BSN: variants seen among roughly 807,000 people sequenced by gnomAD.
BSN encodes the protein protein bassoon.
BSN carries 57 observed loss-of-function variants against 264.8 expected under a neutral mutation model. The observed-to-expected ratio is 0.22, with a 90% confidence interval of 0.17 to 0.27. The LOEUF is 0.27. Among genes scored for constraint, BSN ranks in the 10% least tolerant of loss-of-function variants. BSN has a pLI of 1.00. For synonymous variants in BSN, 2,059 were observed against 2,137.3 expected (o/e 0.96, Z 1.01); for missense variants, 4,615 against 5,232.5 (o/e 0.88, Z 3.64).
chr3:49,615,105 A>T (rs1366525456), intron 1 of BSN, among the ~76,000 whole-genome samples: 1 of 152,174 alleles, frequency 6.6e-6, no homozygotes, highest in Non-Finnish European at 1.5e-5. Flanking sequence ...TCTCAGCAAC[A>T]TCAGAGCAGT....
chr3:49,571,772 C>T (rs2051797844), intron 1 of BSN, among the ~76,000 whole-genome samples: 1 of 152,094 alleles, frequency 6.6e-6, no homozygotes, highest in Non-Finnish European at 1.5e-5. Flanking sequence ...AGGAGTAAGA[C>T]CCACACCATG....
intron 1 of BSN, among the ~76,000 whole-genome samples, chr3:49,587,886 G>GTTTTTCTTTTCTTTTCTTTTCTTTTC (rs2051947705): frequency 2.7e-5 from 1 of 36,838 alleles, no homozygotes; most frequent in Non-Finnish European, 7.9e-5. Flanking sequence ...GAAAGTTGGG[G>GTTTTTCTTTTCTTTTCTTTTCTTTTC]TTTTTCTTTT....
rs143426028 is a variant in BSN at position 49,652,697 on chromosome 3, G to A, written c.3141G>A (p.Arg1047=). 1.7e-5 allele frequency: 27 copies of A among 1,574,748 alleles called. No homozygotes were observed. In the African/African-American group the frequency reaches 3.1e-4, roughly 18 times the overall value. The change falls in exon 5 of 12, where the codon CGG becomes CGA. Residue 1047 remains arginine (R), a synonymous_variant. Transcript: ENST00000296452. ...ACTCCTCAGAGGAGGAGGAGCTGCGGGAGGAAGAGGAGCTGCTTCGTGAGC... is the reference window on the plus strand; with the variant it reads ...ACTCCTCAGAGGAGGAGGAGCTGCGAGAGGAAGAGGAGCTGCTTCGTGAGC... ...IEDSSEEEEL[R]EEEELLREQE...
At chr3:49,629,528 C>T (rs2052369082) in intron 2 of BSN, among the ~76,000 whole-genome samples, 1 of 152,246 alleles carries the variant, frequency 6.6e-6, no homozygotes, top group Admixed American at 6.5e-5. Flanking sequence ...TTCTCAGGGA[C>T]TTCCATGCCC....
intron 1 of BSN, among the ~76,000 whole-genome samples, chr3:49,600,647 A>G (rs925197969): frequency 9.6e-5 from 13 of 135,876 alleles, no homozygotes; most frequent in Admixed American, 7.1e-5. Flanking sequence ...AAATAAAAAT[A>G]AAAAAAATTA....
At chr3:49,664,093 C>T (rs2052690692) in intron 8 of BSN, among the ~76,000 whole-genome samples, 2 of 152,188 alleles carry the variant, frequency 1.3e-5, no homozygotes, top group Admixed American at 1.3e-4. Context: ...GCTTTAGGGC[C>T]CAAGCAGCTT....
chr3:49,613,304 G>A (rs189404050), intron 1 of BSN, among the ~76,000 whole-genome samples: 49 of 24,958 alleles, frequency 2.0e-3, no homozygotes, highest in Non-Finnish European at 3.3e-3. Flanking sequence ...CACACAGAGC[G>A]AGAGAGAGAG....
intron 1 of BSN, among the ~76,000 whole-genome samples, chr3:49,613,345 A>G (rs974067546): frequency 4.0e-5 from 6 of 149,798 alleles, no homozygotes; most frequent in Admixed American, 1.3e-4. Flanking sequence ...AGAGAGAGAG[A>G]GAGAAGGGCT....
intron 1 of BSN, among the ~76,000 whole-genome samples, chr3:49,558,493 C>T (rs956541232): frequency 1.3e-5 from 2 of 152,212 alleles, no homozygotes; most frequent in African/African-American, 4.8e-5. Context: ...AACCATACCC[C>T]GAATTCCTTT....
In BSN at chr3:49,652,454, C is replaced by T. The variant is rs1205468472; in HGVS notation, c.2898C>T (p.Ser966=). 6.2e-7 allele frequency: 1 copy of T among 1,613,602 alleles called. No homozygotes were observed. The highest frequency in any genetic ancestry group is 1.3e-5 in the African/African-American group (1 of 75,064). ...LDREPELEME[S]LTGSPEDRSR... is the part of the protein sequence containing the mutation. ...GGGAGCCTGAGCTGGAGATGGAGAGCCTAACGGGCTCCCCTGAGGACCGCT... is the reference window on the plus strand; with the variant it reads ...GGGAGCCTGAGCTGGAGATGGAGAGTCTAACGGGCTCCCCTGAGGACCGCT... Residue 966 remains serine (S), a synonymous_variant, in exon 5 of 12, where the codon AGC becomes AGT. Coordinates refer to ENST00000296452, the MANE Select transcript of BSN (RefSeq NM_003458.4).
chr3:49,621,049 T>C (rs1235047347), intron 1 of BSN, among the ~76,000 whole-genome samples: 1 of 152,002 alleles, frequency 6.6e-6, no homozygotes, highest in Non-Finnish European at 1.5e-5. Context: ...CAAGATATAC[T>C]GCTGGATTGA....
chr3:49,642,921 G>A lies in BSN; in HGVS notation c.1287G>A (p.Leu429=). ...RMGPGSGPGA[L]PKTGGTTSPK... ...GTCCTGGATCTGGACCTGGAGCCCT[G>A]CCGAAAACTGGGGGAACAACCAGTC... The change falls in exon 3 of 12, where the codon CTG becomes CTA. Residue 429 remains leucine, a synonymous_variant. Coordinates refer to ENST00000296452, the MANE Select transcript of BSN (RefSeq NM_003458.4). This position sits in a 1 kb window ranked among gnomAD's most constrained non-coding sequence, Gnocchi z 7.0. The A allele has an allele frequency of 1.9e-6, 3 of 1,614,060 alleles. No homozygotes were observed. The highest frequency in any genetic ancestry group is 8.5e-7 in the Non-Finnish European group (1 of 1,180,034).
At chr3:49,647,567 G>A (rs1456766917) in intron 3 of BSN, among the ~76,000 whole-genome samples, 2 of 152,208 alleles carry the variant, frequency 1.3e-5, no homozygotes, top group East Asian at 3.8e-4. Context: ...GTGAGGCAGA[G>A]TACGAGAGGG....
At chr3:49,673,087 CTTTTTTTT>C (rs71080543), downstream of BSN, among the ~76,000 whole-genome samples, 827 of 43,222 alleles carry the variant, frequency 0.019, 94 homozygotes, top group Admixed American at 0.23. Flanking sequence ...CCGGCCGGGA[CTTTTTTTT>C]TTTTTTTTTT....
intron 2 of BSN, among the ~76,000 whole-genome samples, chr3:49,633,731 C>T (rs1307515346): frequency 6.6e-6 from 1 of 152,158 alleles, no homozygotes; most frequent in South Asian, 2.1e-4. Flanking sequence ...TACATACATA[C>T]ACACAACGAA....
At chr3:49,561,224 G>A (rs1431173109) in intron 1 of BSN, among the ~76,000 whole-genome samples, 1 of 152,332 alleles carries the variant, frequency 6.6e-6, no homozygotes, top group East Asian at 1.9e-4. Flanking sequence ...AGGGCCAACG[G>A]TGAAGAAGAG....
Position 49,660,036 on chromosome 3 carries a change from C to T in BSN, c.8641-450C>T, listed in dbSNP as rs1053523750. 4.6e-5 allele frequency among the ~76,000 whole-genome samples: 7 copies of T among 152,152 alleles called. No homozygotes were observed. The highest frequency in any genetic ancestry group is 1.7e-4 in the African/African-American group (7 of 41,408). ...TCTAGGGAGCCTGGCGGGCCCAGGA[C>T]CCTCTCCACTCCATGCCTCCTGTTC... is the stretch of plus-strand genomic sequence containing the variant. On this transcript the variant is annotated intron_variant, in intron 5 of 11. Coordinates refer to ENST00000296452, the MANE Select transcript of BSN (RefSeq NM_003458.4). This position sits in a 1 kb window ranked among gnomAD's most constrained non-coding sequence, Gnocchi z 7.1.
At chr3:49,598,490 T>C (rs2108030413) in intron 1 of BSN, among the ~76,000 whole-genome samples, 1 of 152,346 alleles carries the variant, frequency 6.6e-6, no homozygotes, top group African/African-American at 2.4e-5. Flanking sequence ...TGCTTAAGCC[T>C]CTTTGACCAG....
intron 3 of BSN, among the ~76,000 whole-genome samples, chr3:49,647,281 G>T (rs966499742): frequency 1.3e-5 from 2 of 152,222 alleles, no homozygotes; most frequent in African/African-American, 4.8e-5. Flanking sequence ...CACTAACTCA[G>T]TCATCCCGTT....
Sources: allele counts gnomAD v4.1 joint callset (sites outside exome capture counted in the v4.1 genomes callset), GRCh38; gene constraint gnomAD v4.1.1; non-coding constraint Gnocchi (gnomAD v3.1); transcripts MANE v1.5; gene names NCBI Gene and HGNC (gene_info 2026-07-23, HGNC 2026-07-21).